NUBPL: variants seen among roughly 807,000 people sequenced by gnomAD.
The protein encoded by NUBPL is NUBP iron-sulfur cluster assembly factor, mitochondrial.
Under a neutral mutation model 45.7 loss-of-function variants are expected in NUBPL, and 31 were observed. The observed-to-expected ratio is 0.68, with a 90% CI of 0.51 to 0.92. The LOEUF is 0.92. Ranked by LOEUF, NUBPL falls within the 40% of genes least tolerant of loss-of-function variation. The pLI is 0.00. For missense variants in NUBPL, 401 were observed against 398.7 expected, an observed-to-expected ratio of 1.01 and a Z score of -0.05; for synonymous variants, 144 against 140.9, an observed-to-expected ratio of 1.02 and a Z score of -0.15.
chr14:31,833,381 A>C (rs1318572308), intron 8 of NUBPL, among the ~76,000 whole-genome samples: 1 of 152,176 alleles, frequency 6.6e-6, no homozygotes, highest in Non-Finnish European at 1.5e-5. Flanking sequence ...AAAAAAAAAA[A>C]ATTAATTAGA....
At chr14:31,666,989 T>G (rs1321898767) in intron 4 of NUBPL, among the ~76,000 whole-genome samples, 1 of 152,188 alleles carries the variant, frequency 6.6e-6, no homozygotes, top group African/African-American at 2.4e-5. Context: ...TTAATATTTT[T>G]TCCTTCATTT....
chr14:31,588,608 T>A (rs716888), intron 3 of NUBPL, among the ~76,000 whole-genome samples: 61,662 of 151,714 alleles, frequency 0.41, 14,169 homozygotes, highest in East Asian at 0.59. Flanking sequence ...TTTTTTTTTT[T>A]TAAATCCTTA....
chr14:31,827,980 T>A (rs932747983), intron 8 of NUBPL, among the ~76,000 whole-genome samples: 2 of 152,176 alleles, frequency 1.3e-5, no homozygotes, highest in African/African-American at 2.4e-5. Flanking sequence ...ATTGGCAAGC[T>A]GAGGAACTCT....
intron 8 of NUBPL, among the ~76,000 whole-genome samples, chr14:31,839,553 G>A (rs999323016): frequency 7.2e-5 from 11 of 152,000 alleles, no homozygotes; most frequent in Admixed American, 6.6e-4. Context: ...CATTGGTCTG[G>A]GCAATTATTT....
At chr14:31,853,080 G>GTGTTTTGTTGTGTTTTGTTT (rs1555344279) in intron 10 of NUBPL, among the ~76,000 whole-genome samples, 1 of 118,300 alleles carries the variant, frequency 8.5e-6, no homozygotes. Context: ...GTGTTGTGTT[G>GTGTTTTGTTGTGTTTTGTTT]TGTTTTGTTT....
chr14:31,812,983 C>CTT (rs33986436), intron 7 of NUBPL, among the ~76,000 whole-genome samples: 2 of 105,086 alleles, frequency 1.9e-5, no homozygotes, highest in African/African-American at 3.5e-5. Context: ...CTTGTTAGTT[C>CTT]TTTTTTTTTT....
intron 4 of NUBPL, among the ~76,000 whole-genome samples, chr14:31,606,299 C>T (rs554962011): frequency 5.3e-5 from 8 of 151,912 alleles, no homozygotes; most frequent in African/African-American, 1.9e-4. Flanking sequence ...ACTGTGTTGC[C>T]CAGGCTGGTC....
intron 4 of NUBPL, among the ~76,000 whole-genome samples, chr14:31,618,264 C>G (rs932602180): frequency 6.6e-6 from 1 of 152,036 alleles, no homozygotes; most frequent in Non-Finnish European, 1.5e-5. Context: ...TGTTTTGTGT[C>G]TCTATGTCCT....
intron 8 of NUBPL, among the ~76,000 whole-genome samples, chr14:31,841,871 G>C (rs1263127642): frequency 7.5e-6 from 1 of 132,986 alleles, no homozygotes; most frequent in Non-Finnish European, 1.5e-5. Flanking sequence ...GTACTATGTT[G>C]TCTCCATTGT....
intron 2 of NUBPL, among the ~76,000 whole-genome samples, chr14:31,563,617 T>C (rs2033358714): frequency 6.6e-6 from 1 of 152,232 alleles, no homozygotes; most frequent in South Asian, 2.1e-4. Context: ...TTTCCTTATA[T>C]GTATTTATTC....
intron 6 of NUBPL, among the ~76,000 whole-genome samples, chr14:31,769,630 G>C (rs2038972190): frequency 6.6e-6 from 1 of 150,948 alleles, no homozygotes; most frequent in Non-Finnish European, 1.5e-5. Context: ...GAGCTTTCCT[G>C]TTCTTATATA....
At chr14:31,724,442 AG>A (rs1357791704) in intron 6 of NUBPL, among the ~76,000 whole-genome samples, 1 of 32,864 alleles carries the variant, frequency 3.0e-5, no homozygotes, top group African/African-American at 1.2e-4. Flanking sequence ...GCTCTTTAGC[AG>A]GTTTTTAAAA....
chr14:31,843,027 C>A (rs1159592663), intron 8 of NUBPL, among the ~76,000 whole-genome samples: 1 of 152,094 alleles, frequency 6.6e-6, no homozygotes, highest in Non-Finnish European at 1.5e-5. Context: ...CTTAAAACAG[C>A]ACAGGTTTAT....
chr14:31,594,301 T>C (rs959145182), intron 3 of NUBPL, among the ~76,000 whole-genome samples: 1 of 152,152 alleles, frequency 6.6e-6, no homozygotes, highest in Admixed American at 6.5e-5. Flanking sequence ...GTGCCTGTAG[T>C]CCTAGTTACT....
At position 31,772,867 on chromosome 14, in the gene NUBPL, C is replaced by G. The variant is rs183403408; in HGVS notation, c.514-14913C>G. ...TTTATTTAGATAAACAGCCTCCTCTCCCACACCCTTTTTTCTTTTAGAAAG... is the reference window on the plus strand; with the variant it reads ...TTTATTTAGATAAACAGCCTCCTCTGCCACACCCTTTTTTCTTTTAGAAAG... On this transcript the variant is annotated intron_variant, in intron 6 of 10. Coordinates refer to ENST00000281081, the MANE Select transcript of NUBPL (RefSeq NM_025152.3). Among the ~76,000 whole-genome samples, 19 of 152,250 alleles carry G rather than the reference C, an allele frequency of 1.2e-4. No homozygotes were observed. The East Asian group carries it at 3.3e-3, about 26-fold the overall frequency.
chr14:31,671,768 A>T (rs534504486), intron 4 of NUBPL, among the ~76,000 whole-genome samples: 7 of 152,348 alleles, frequency 4.6e-5, no homozygotes, highest in African/African-American at 1.7e-4. Flanking sequence ...TTAATGAAGG[A>T]CCACGGCTTT....
Position 31,744,617 on chromosome 14 carries a change from CTTTTT to C in NUBPL, c.514-43145_514-43141del, listed in dbSNP as rs34367142. Among the ~76,000 whole-genome samples the C allele has an allele frequency of 2.9e-3, 297 of 103,922 alleles. 2 individuals are homozygous for C. The highest frequency in any genetic ancestry group is 0.011 in the African/African-American group (278 of 24,520). The allele number at this position is 103,922 out of a possible 152,430, so 68.2% of individuals were successfully genotyped here. A position where few individuals can be genotyped will look rare whatever the true frequency, so the allele number is the denominator to read the frequency against. On this transcript the variant is annotated intron_variant, in intron 6 of 10. Transcript: ENST00000281081. ...CATTATATTGAAAGATTTGTAGAATCTTTTTTTTTTTTTTTTTTTTTTGAGATGGA... is the reference window on the plus strand; with the variant it reads ...CATTATATTGAAAGATTTGTAGAATCTTTTTTTTTTTTTTTTTGAGATGGA...
chr14:31,673,663 C>T lies in NUBPL; in HGVS notation c.513+89C>T, dbSNP rs117470156. Reference sequence around the variant, plus strand: ...TTGGAGAATTGTTAAAATTTGCATTCAGGAATCAGTTGATGGGATGAATGT... The same window carrying T: ...TTGGAGAATTGTTAAAATTTGCATTTAGGAATCAGTTGATGGGATGAATGT... On this transcript the variant is annotated intron_variant, in intron 6 of 10. Transcript: ENST00000281081. 6.7e-6 allele frequency: 8 copies of T among 1,186,080 alleles called. No individual in the cohort carries two copies. The East Asian group carries it at 1.7e-4, about 25-fold the overall frequency. The allele number at this position is 1,186,080 out of a possible 1,614,324, so 73.5% of individuals were successfully genotyped here.
chr14:31,653,286 G>A (rs2036056786), intron 4 of NUBPL, among the ~76,000 whole-genome samples: 1 of 152,192 alleles, frequency 6.6e-6, no homozygotes, highest in Admixed American at 6.5e-5. Context: ...TCACCAGGGT[G>A]GGGTTTTTCC....
Sources: gnomAD v4.1 joint callset for allele counts (sites outside exome capture counted in the v4.1 genomes callset) on GRCh38, gnomAD v4.1.1 for gene constraint, MANE v1.5 for transcripts, NCBI Gene and HGNC (gene_info 2026-07-23, HGNC 2026-07-21) for gene names.